LPA: variants seen among roughly 807,000 people sequenced by gnomAD.
The protein encoded by LPA is lipoprotein(a).
Under a neutral mutation model 197.9 loss-of-function variants are expected in LPA, and 199 were observed. That is an observed-to-expected ratio of 1.01 (90% confidence interval 0.90 to 1.13). The LOEUF (loss-of-function observed/expected upper bound fraction) is 1.13, where lower values mean the gene tolerates loss of function less well. Among genes scored for constraint, LPA ranks in the 50% most tolerant of loss-of-function variants. The pLI is 0.00. For synonymous variants in LPA, 715 were observed against 639.5 expected, an observed-to-expected ratio of 1.12 and a Z score of -1.78; for missense variants, 1,853 against 1,785.8, an observed-to-expected ratio of 1.04 and a Z score of -0.68.
intron 1 of LPA, among the ~76,000 whole-genome samples, chr6:160,660,945 C>T (rs766479925): frequency 2.6e-5 from 4 of 152,174 alleles, no homozygotes; most frequent in South Asian, 2.1e-4. Flanking sequence ...ATACTGCCCA[C>T]GATTTTTCTT....
chr6:160,611,506 G>T (rs1429676098), intron 16 of LPA, 56 bp downstream of exon 16: 1 of 1,600,026 alleles, frequency 6.2e-7, no homozygotes. Flanking sequence ...CATGTCTCTT[G>T]TCACAGAAAC....
chr6:160,591,447 T>C (rs545304278), intron 22 of LPA, among the ~76,000 whole-genome samples: 3 of 152,348 alleles, frequency 2.0e-5, no homozygotes, highest in African/African-American at 7.2e-5. Flanking sequence ...GTCTTGTAGA[T>C]TGTTTTATGC....
intron 26 of LPA, among the ~76,000 whole-genome samples, chr6:160,584,595 G>C (rs952882971): frequency 1.3e-5 from 2 of 151,982 alleles, no homozygotes; most frequent in Non-Finnish European, 2.9e-5. Flanking sequence ...TCCTCCCAAA[G>C]TGTTGGGATC....
intron 28 of LPA, among the ~76,000 whole-genome samples, chr6:160,567,782 A>G (rs1052791006): frequency 6.6e-6 from 1 of 152,226 alleles, no homozygotes; most frequent in Non-Finnish European, 1.5e-5. Flanking sequence ...AGAAGAATCA[A>G]ATAGATGCAA....
rs1034837635 is a variant in LPA, at chr6:160,586,509, T to G, written c.4069A>C (p.Thr1357Pro). The G allele has an allele frequency of 3.7e-6, 6 of 1,613,602 alleles. No individual in the cohort carries two copies. The highest frequency in any genetic ancestry group is 1.3e-5 in the African/African-American group (1 of 74,868). Residue 1357 changes from threonine to proline, a missense_variant, in exon 25 of 39, where the codon ACT becomes CCT. Physicochemically the swap from Thr to Pro is conservative, Grantham distance 38. Around this residue, in one of 3 missense-constraint regions of LPA, gnomAD observed 1,737 missense variants for 1,504.4 expected, o/e 1.15. Transcript: ENST00000316300. The stretch of plus-strand genomic sequence containing the variant: ...ACCACCGTGGGAGTTGTGAGGAGAG[T>G]TGATTCCATCACTGGACATTGCGTC... The part of the protein sequence containing the change: ...NLTQCPVMES[T>P]LLTTPTVVPV...
intron 17 of LPA, among the ~76,000 whole-genome samples, chr6:160,605,775 C>T (rs142681183): frequency 1.3e-4 from 20 of 152,268 alleles, no homozygotes; most frequent in African/African-American, 3.1e-4. Flanking sequence ...TGGGTGGAGG[C>T]GAACAGCTTA....
Position 160,590,123 on chromosome 6 carries a change from T to A in LPA, c.3788-411A>T, listed in dbSNP as rs115281078. 4.4e-3 allele frequency among the ~76,000 whole-genome samples: 667 copies of A among 152,294 alleles called. 5 individuals carry two copies. The highest frequency in any genetic ancestry group is 0.016 in the African/African-American group (649 of 41,572). Reference sequence around the variant, plus strand: ...ACCGTCACACATTTCTCCAGAGCACTGATCCTCCAAAGCCAAAGCCTTAAG... The same window carrying A: ...ACCGTCACACATTTCTCCAGAGCACAGATCCTCCAAAGCCAAAGCCTTAAG... On this transcript the variant is annotated intron_variant, in intron 23 of 38. Transcript: ENST00000316300.
At chr6:160,541,415 C>T (rs1413777170) in intron 34 of LPA, among the ~76,000 whole-genome samples, 1 of 152,190 alleles carries the variant, frequency 6.6e-6, no homozygotes, top group Non-Finnish European at 1.5e-5. Context: ...AGAATAGGCA[C>T]AGCCTGTCCC....
At chr6:160,577,326 G>A in intron 27 of LPA, 31 bp from the exon 28 acceptor site, 1 of 1,604,670 alleles carries the variant, frequency 6.2e-7, no homozygotes, top group South Asian at 1.1e-5. Context: ...ATCATACTCA[G>A]TAATTGCATG....
At chr6:160,548,000 G>A in intron 31 of LPA, 63 bp from the exon 32 acceptor site, 1 of 1,549,996 alleles carries the variant, frequency 6.5e-7, no homozygotes, top group Non-Finnish European at 8.9e-7. Flanking sequence ...CATAGACCCA[G>A]GACGATACAG....
intron 14 of LPA, among the ~76,000 whole-genome samples, chr6:160,613,495 CA>C (rs1366953084): frequency 2.2e-5 from 1 of 45,396 alleles, no homozygotes; most frequent in East Asian, 4.2e-4. Context: ...TATTCACATG[CA>C]AATGCATCTG....
chr6:160,565,713 T>A (rs1169778909), intron 28 of LPA, among the ~76,000 whole-genome samples: 1 of 152,042 alleles, frequency 6.6e-6, no homozygotes, highest in African/African-American at 2.4e-5. Flanking sequence ...TCAGACGATC[T>A]GTAATAACAA....
intron 22 of LPA, among the ~76,000 whole-genome samples, chr6:160,592,218 A>T (rs1779043618): frequency 2.0e-5 from 3 of 149,902 alleles, no homozygotes; most frequent in Non-Finnish European, 4.5e-5. Flanking sequence ...TGGTTCAGTC[A>T]TTGTGTGTAT....
intron 1 of LPA, among the ~76,000 whole-genome samples, chr6:160,651,751 TG>T (rs1299827437): frequency 6.6e-6 from 1 of 152,180 alleles, no homozygotes; most frequent in Non-Finnish European, 1.5e-5. Flanking sequence ...TGGGTTTGTA[TG>T]ATACCTATGT....
chr6:160,571,765 T>A (rs1778566201), intron 28 of LPA, among the ~76,000 whole-genome samples: 1 of 152,222 alleles, frequency 6.6e-6, no homozygotes, highest in South Asian at 2.1e-4. Flanking sequence ...CAGACTGCTG[T>A]GCTGGCAGCA....
At chr6:160,576,384 A>ATGTGTG (rs1562327960) in intron 28 of LPA, among the ~76,000 whole-genome samples, 1 of 73,034 alleles carries the variant, frequency 1.4e-5, no homozygotes, top group African/African-American at 7.5e-5. Flanking sequence ...ATATATATAT[A>ATGTGTG]TATATGTATA....
intron 34 of LPA, among the ~76,000 whole-genome samples, chr6:160,542,282 T>C (rs1458184671): frequency 6.6e-6 from 1 of 152,224 alleles, no homozygotes; most frequent in African/African-American, 2.4e-5. Context: ...TCTGTGCCTG[T>C]GATAGACTGT....
At chr6:160,593,827 G>T in intron 22 of LPA, 131 bp downstream of exon 22, 2 of 1,153,548 alleles carry the variant, frequency 1.7e-6, no homozygotes, top group Non-Finnish European at 2.6e-6. Flanking sequence ...GAAGAAAGAA[G>T]CCTGAGACAT....
In LPA at chr6:160,585,146, G is replaced by T; in HGVS notation, c.4189C>A (p.Arg1397=). ...GTGATAGTGGTGGAGAGTGTGCCTCGATAACTCTGTCCATCACCTCGGTAG... is the reference window on the plus strand; with the variant it reads ...GTGATAGTGGTGGAGAGTGTGCCTCTATAACTCTGTCCATCACCTCGGTAG... The part of the protein sequence containing the change: ...DCYRGDGQSY[R]GTLSTTITGR... Residue 1397 remains arginine, a synonymous_variant, in exon 26 of 39, where the codon CGA becomes AGA. Transcript: ENST00000316300. 1.9e-6 allele frequency: 3 copies of T among 1,613,570 alleles called. No individual in the cohort carries two copies. Among genetic ancestry groups the T allele is most frequent in the Non-Finnish European group, 1.7e-6 (2 of 1,179,792 alleles).
Sources: gnomAD v4.1 joint callset for allele counts (sites outside exome capture counted in the v4.1 genomes callset) on GRCh38, gnomAD v4.1.1 for gene constraint, gnomAD v4.1.1 regional missense constraint, MANE v1.5 for transcripts, NCBI Gene and HGNC (gene_info 2026-07-23, HGNC 2026-07-21) for gene names.